Variants in PTPRD observed in about 807,000 individuals in gnomAD.
PTPRD encodes protein tyrosine phosphatase receptor type D, also known as receptor-type tyrosine-protein phosphatase delta.
In PTPRD, 34 loss-of-function variants were observed where a neutral mutation model predicts 214.5. The ratio of observed to expected loss-of-function variants is 0.16; its 90% CI spans 0.12 to 0.21. The LOEUF is 0.21. PTPRD is among the 10% of genes least tolerant of loss of function. The pLI is 1.00. For missense variants in PTPRD, 2,545 were observed against 2,398.7 expected, an observed-to-expected ratio of 1.06 and a Z score of -1.27; for synonymous variants, 1,128 against 845.7, an observed-to-expected ratio of 1.33 and a Z score of -5.79.
intron 7 of PTPRD, among the ~76,000 whole-genome samples, chr9:9,608,522 C>A (rs2094325992): frequency 6.6e-6 from 1 of 152,134 alleles, no homozygotes; most frequent in Non-Finnish European, 1.5e-5. Flanking sequence ...ATGCCAGGGG[C>A]ATATTTTCCA....
intron 7 of PTPRD, among the ~76,000 whole-genome samples, chr9:9,602,414 T>C (rs971385016): frequency 1.3e-5 from 2 of 151,950 alleles, no homozygotes; most frequent in Non-Finnish European, 2.9e-5. Flanking sequence ...TTTTCTACAA[T>C]GTGTTAAGTA....
intron 11 of PTPRD, among the ~76,000 whole-genome samples, chr9:8,787,035 G>A (rs572838558): frequency 1.4e-4 from 22 of 152,094 alleles, no homozygotes; most frequent in African/African-American, 4.6e-4. Context: ...AGGGTCTCAC[G>A]ATGTTGCCTA....
Position 10,055,240 on chromosome 9 carries a change from C to T in PTPRD, c.-544-21450G>A, listed in dbSNP as rs184502353. Among the ~76,000 whole-genome samples, 382 of 152,240 alleles carry T rather than the reference C, an allele frequency of 2.5e-3. 1 individual carries two copies. Among genetic ancestry groups the T allele is most frequent in the African/African-American group, 8.3e-3 (343 of 41,558 alleles). On this transcript the variant is annotated intron_variant, in intron 3 of 45. Transcript: ENST00000381196. Reference sequence around the variant, plus strand: ...ACATGCTGACCAAGACACTTGCCTGCTTTACTGGTCTGGTGCGACTTTTCT... The same window carrying T: ...ACATGCTGACCAAGACACTTGCCTGTTTTACTGGTCTGGTGCGACTTTTCT...
At chr9:9,266,483 T>C (rs1473857077) in intron 9 of PTPRD, among the ~76,000 whole-genome samples, 2 of 151,264 alleles carry the variant, frequency 1.3e-5, no homozygotes, top group African/African-American at 2.4e-5. Context: ...TTCTCCAAGA[T>C]AGAACATTTA....
chr9:9,206,917 C>G (rs1183451824), intron 9 of PTPRD, among the ~76,000 whole-genome samples: 5 of 152,118 alleles, frequency 3.3e-5, no homozygotes, highest in Admixed American at 3.3e-4. Flanking sequence ...AATAAACTCC[C>G]TTTCATATAT....
At chr9:9,468,346 C>CA (rs1436923691) in intron 8 of PTPRD, among the ~76,000 whole-genome samples, 5 of 151,926 alleles carry the variant, frequency 3.3e-5, no homozygotes, top group African/African-American at 7.2e-5. Context: ...ACATACATTT[C>CA]AAAAAATAAT....
intron 14 of PTPRD, among the ~76,000 whole-genome samples, chr9:8,580,899 A>T (rs1357013270): frequency 6.6e-6 from 1 of 152,248 alleles, no homozygotes; most frequent in Admixed American, 6.5e-5. Context: ...TAGATCACAT[A>T]TCACTGACAT....
intron 11 of PTPRD, among the ~76,000 whole-genome samples, chr9:8,921,396 A>C (rs1460948937): frequency 6.6e-6 from 1 of 152,164 alleles, no homozygotes; most frequent in Admixed American, 6.5e-5. Context: ...CTCACTTGGG[A>C]GGCTAAAGGC....
At chr9:10,312,248 T>A (rs1262959034) in intron 3 of PTPRD, among the ~76,000 whole-genome samples, 1 of 152,006 alleles carries the variant, frequency 6.6e-6, no homozygotes. Context: ...AAAGGTAAAG[T>A]AAATTATTTC....
At chr9:9,381,783 A>T (rs2062370613) in intron 9 of PTPRD, among the ~76,000 whole-genome samples, 1 of 149,180 alleles carries the variant, frequency 6.7e-6, no homozygotes, top group Non-Finnish European at 1.5e-5. Flanking sequence ...TAGCTTTGTT[A>T]TGTATTTTGA....
intron 8 of PTPRD, among the ~76,000 whole-genome samples, chr9:9,479,347 GCA>G (rs5896339): frequency 0.54 from 79,688 of 146,488 alleles, 21,236 homozygotes; most frequent in East Asian, 0.68. Flanking sequence ...GAAAACTGAT[GCA>G]CACACACACA....
intron 7 of PTPRD, among the ~76,000 whole-genome samples, chr9:9,626,589 A>G (rs1474820717): frequency 6.6e-6 from 1 of 152,180 alleles, no homozygotes; most frequent in African/African-American, 2.4e-5. Context: ...GGGAGAAAGA[A>G]AGGTGATTTT....
chr9:9,302,726 C>G (rs1279676143), intron 9 of PTPRD, among the ~76,000 whole-genome samples: 1 of 149,860 alleles, frequency 6.7e-6, no homozygotes, highest in African/African-American at 2.5e-5. Context: ...TCTGATATTA[C>G]CTTTTTCCTT....
intron 3 of PTPRD, among the ~76,000 whole-genome samples, chr9:10,038,359 T>A (rs999145793): frequency 1.3e-5 from 2 of 152,120 alleles, no homozygotes; most frequent in Non-Finnish European, 2.9e-5. Flanking sequence ...AAATTGGACA[T>A]TTTTACATCA....
At chr9:9,981,188 A>C (rs921929690) in intron 4 of PTPRD, among the ~76,000 whole-genome samples, 1 of 152,186 alleles carries the variant, frequency 6.6e-6, no homozygotes, top group Non-Finnish European at 1.5e-5. Flanking sequence ...GTGGATGTAT[A>C]CTATGGAAAA....
intron 2 of PTPRD, among the ~76,000 whole-genome samples, chr9:10,387,314 T>C (rs1287366024): frequency 6.6e-6 from 1 of 151,910 alleles, no homozygotes; most frequent in Non-Finnish European, 1.5e-5. Context: ...CATATGTTTT[T>C]TCTTTATGTT....
At chr9:10,099,554 G>C (rs1314261405) in intron 3 of PTPRD, among the ~76,000 whole-genome samples, 1 of 151,638 alleles carries the variant, frequency 6.6e-6, no homozygotes, top group Non-Finnish European at 1.5e-5. Flanking sequence ...AATTATTTGA[G>C]GTTTCTGACC....
At chr9:10,184,222 C>T (rs934809027) in intron 3 of PTPRD, among the ~76,000 whole-genome samples, 2 of 151,952 alleles carry the variant, frequency 1.3e-5, no homozygotes, top group African/African-American at 4.8e-5. Flanking sequence ...GTCAGGGGTT[C>T]GAGACCAGCC....
intron 8 of PTPRD, among the ~76,000 whole-genome samples, chr9:9,500,894 T>C (rs138606829): frequency 6.6e-6 from 1 of 152,180 alleles, no homozygotes; most frequent in East Asian, 1.9e-4. Context: ...ACTGTTTTTA[T>C]ACTACTCTAT....
Sources: gnomAD v4.1 joint callset for allele counts (sites outside exome capture counted in the v4.1 genomes callset) on GRCh38, gnomAD v4.1.1 for gene constraint, MANE v1.5 for transcripts, NCBI Gene and HGNC (gene_info 2026-07-23, HGNC 2026-07-21) for gene names.